Variants in TMTC1 observed in about 807,000 individuals in gnomAD.
The protein encoded by TMTC1 is transmembrane O-mannosyltransferase targeting cadherins 1, also known as protein O-mannosyl-transferase TMTC1.
Under a neutral mutation model 104.8 loss-of-function variants are expected in TMTC1, and 73 were observed. That is an observed-to-expected ratio of 0.70 (90% CI 0.58 to 0.85). TMTC1 has a LOEUF of 0.85. Ranked by LOEUF, TMTC1 falls within the 40% of genes least tolerant of loss-of-function variation. The pLI is 0.00. For missense variants in TMTC1, 1,035 were observed against 1,096.1 expected, an observed-to-expected ratio of 0.94 and a Z score of 0.79; for synonymous variants, 434 against 428.7, an observed-to-expected ratio of 1.01 and a Z score of -0.15.
At chr12:29,575,219 T>C (rs1592257039) in intron 8 of TMTC1, among the ~76,000 whole-genome samples, 1 of 152,144 alleles carries the variant, frequency 6.6e-6, no homozygotes, top group Middle Eastern at 3.4e-3. Context: ...ACAGATGGAT[T>C]TGAAGGCTAT....
intron 5 of TMTC1, among the ~76,000 whole-genome samples, chr12:29,725,052 G>A (rs1009660412): frequency 3.6e-5 from 4 of 109,824 alleles, no homozygotes; most frequent in African/African-American, 7.2e-5. Flanking sequence ...ATGGAGTCTC[G>A]CTCTGTTGCT....
chr12:29,707,474 T>C (rs986790669), intron 5 of TMTC1, among the ~76,000 whole-genome samples: 21 of 152,146 alleles, frequency 1.4e-4, no homozygotes, highest in Non-Finnish European at 3.1e-4. Flanking sequence ...TCGCGTCCTC[T>C]ACTATGAGGC....
Position 29,506,880 on chromosome 12 carries a change from C to G in TMTC1, c.2615G>C (p.Arg872Pro). The change falls in exon 18 of 18, where the codon CGA becomes CCA. Residue 872 changes from arginine (R) to proline (P), a missense_variant. By Grantham distance (103) the Arg-to-Pro change is moderately radical. Transcript: ENST00000539277. The part of the protein sequence containing the change: ...NLAKLDRLEK[R>P]LQEVREKDQT ...ATCCTTTTCTCGAACTTCTTGTAAT[C>G]GTTTTTCTAGGCGATCCAATTTGGC... is the stretch of plus-strand genomic sequence containing the variant. 6.2e-7 allele frequency: 1 copy of G among 1,614,104 alleles called. No individual in the cohort carries two copies. Among genetic ancestry groups the G allele is most frequent in the Non-Finnish European group, 8.5e-7 (1 of 1,179,974 alleles).
chr12:29,722,029 A>G (rs1430786108), intron 5 of TMTC1, among the ~76,000 whole-genome samples: 1 of 152,104 alleles, frequency 6.6e-6, no homozygotes, highest in Admixed American at 6.6e-5. Flanking sequence ...TTCTATATTC[A>G]TTTTGTTTCA....
intron 17 of TMTC1, among the ~76,000 whole-genome samples, chr12:29,509,844 C>T (rs1943786046): frequency 6.6e-6 from 1 of 152,074 alleles, no homozygotes; most frequent in Non-Finnish European, 1.5e-5. Flanking sequence ...AGACACTTTC[C>T]CAAGGGAAGT....
intron 6 of TMTC1, among the ~76,000 whole-genome samples, chr12:29,623,873 T>C (rs961743300): frequency 6.0e-5 from 9 of 150,236 alleles, no homozygotes; most frequent in Admixed American, 5.9e-4. Context: ...AAGATATGCA[T>C]GTCTTACAAA....
chr12:29,604,588 C>T (rs1316602530), intron 6 of TMTC1, among the ~76,000 whole-genome samples: 1 of 152,192 alleles, frequency 6.6e-6, no homozygotes, highest in Non-Finnish European at 1.5e-5. Flanking sequence ...GGATTTACAG[C>T]AACCCTGCTT....
intron 5 of TMTC1, among the ~76,000 whole-genome samples, chr12:29,678,991 C>G (rs988526095): frequency 1.3e-5 from 2 of 152,078 alleles, no homozygotes; most frequent in Non-Finnish European, 2.9e-5. Flanking sequence ...CCGAAATGCA[C>G]AGAAAGAGTT....
chr12:29,758,297 T>C (rs1159747507), intron 3 of TMTC1, among the ~76,000 whole-genome samples: 1 of 152,200 alleles, frequency 6.6e-6, no homozygotes, highest in Non-Finnish European at 1.5e-5. Flanking sequence ...TGAGTTACTT[T>C]GGTGAGGCTA....
At chr12:29,526,454 T>C (rs1944347517) in intron 11 of TMTC1, among the ~76,000 whole-genome samples, 1 of 152,118 alleles carries the variant, frequency 6.6e-6, no homozygotes, top group Non-Finnish European at 1.5e-5. Context: ...TAAAACATTT[T>C]AGTGAGAGCT....
chr12:29,665,166 G>A (rs958093597), intron 5 of TMTC1, among the ~76,000 whole-genome samples: 1 of 152,136 alleles, frequency 6.6e-6, no homozygotes, highest in Non-Finnish European at 1.5e-5. Context: ...AAAAGAGAAA[G>A]GAATGTCAAG....
chr12:29,519,612 G>C (rs1357325976), intron 12 of TMTC1: 1 of 152,172 alleles, frequency 6.6e-6, no homozygotes, highest in African/African-American at 2.4e-5. Context: ...GTCTCTGGAG[G>C]CAGAGGCTCA....
chr12:29,749,501 G>A (rs1489448405), intron 5 of TMTC1, among the ~76,000 whole-genome samples: 2 of 152,102 alleles, frequency 1.3e-5, no homozygotes, highest in African/African-American at 2.4e-5. Flanking sequence ...TGGCAGCCTA[G>A]CTTCTGTCCC....
intron 5 of TMTC1, among the ~76,000 whole-genome samples, chr12:29,745,618 C>CAAAAAAAAAAAAAAAAAAA (rs71444341): frequency 1.2e-5 from 1 of 84,574 alleles, no homozygotes; most frequent in Non-Finnish European, 2.2e-5. Flanking sequence ...GAGACTCAAT[C>CAAAAAAAAAAAAAAAAAAA]AAAAAAAAAA....
intron 1 of TMTC1, among the ~76,000 whole-genome samples, chr12:29,774,494 T>C (rs1489732695): frequency 1.3e-5 from 2 of 152,186 alleles, no homozygotes; most frequent in Admixed American, 6.5e-5. Flanking sequence ...ATTATCTGTT[T>C]CTGGTGTCTC....
At chr12:29,662,659 T>A (rs1470199533) in intron 5 of TMTC1, among the ~76,000 whole-genome samples, 21 of 101,334 alleles carry the variant, frequency 2.1e-4, no homozygotes, top group African/African-American at 9.0e-4. Context: ...AGAGCGAGAC[T>A]CCGTCTCAAA....
intron 5 of TMTC1, among the ~76,000 whole-genome samples, chr12:29,740,162 C>T (rs1254309607): frequency 2.0e-5 from 3 of 152,158 alleles, no homozygotes; most frequent in Admixed American, 2.0e-4. Flanking sequence ...CACAGGTGTG[C>T]ACCACCATGC....
intron 5 of TMTC1, among the ~76,000 whole-genome samples, chr12:29,671,860 C>T (rs1036233233): frequency 5.3e-5 from 8 of 152,098 alleles, no homozygotes; most frequent in African/African-American, 1.9e-4. Context: ...CCTGAAGAGA[C>T]AGAGAAGATG....
chr12:29,668,347 G>T (rs935589527), intron 5 of TMTC1, among the ~76,000 whole-genome samples: 1 of 151,788 alleles, frequency 6.6e-6, no homozygotes, highest in Non-Finnish European at 1.5e-5. Context: ...CAAGGGCGTT[G>T]ACTAATGCAC....
Sources: allele counts gnomAD v4.1 joint callset (sites outside exome capture counted in the v4.1 genomes callset), GRCh38; gene constraint gnomAD v4.1.1; transcripts MANE v1.5; gene names NCBI Gene and HGNC (gene_info 2026-07-23, HGNC 2026-07-21).